The following ZSWIM9 variants were observed in gnomAD, a reference collection of about 807,000 sequenced individuals.
The protein encoded by ZSWIM9 is zinc finger SWIM-type containing 9, also known as uncharacterized protein ZSWIM9.
ZSWIM9 carries 11 observed loss-of-function variants against 25.0 expected under a neutral mutation model. That is an observed-to-expected ratio of 0.44 (90% CI 0.28 to 0.73). ZSWIM9 has a LOEUF of 0.73. ZSWIM9 is among the 30% of genes least tolerant of loss of function. The probability of loss-of-function intolerance (pLI) is 0.16; values close to 1 mark genes in which losing one functional copy is unlikely to be tolerated. For synonymous variants in ZSWIM9, 562 were observed against 582.1 expected (o/e 0.97, Z 0.50); for missense variants, 1,070 against 1,296.5 (o/e 0.83, Z 2.68).
In ZSWIM9 at chr19:48,194,447, T is replaced by C. The variant is rs1157263183; in HGVS notation, c.589-206T>C. 6.6e-6 allele frequency among the ~76,000 whole-genome samples: 1 copy of C among 152,168 alleles called. No homozygotes were observed. The highest frequency in any genetic ancestry group is 1.5e-5 in the Non-Finnish European group (1 of 68,038). On this transcript the variant is annotated intron_variant, in intron 3 of 3. Transcript: ENST00000614654. The surrounding 1 kb of genome is among the most constrained non-coding windows in gnomAD (Gnocchi z 6.0). ...TAGCCGTTAGACTGTGGTACCTGGA[T>C]CTCAAACCCAGGCAATCCGGCTCCA... is the stretch of plus-strand genomic sequence containing the variant.
intron 3 of ZSWIM9, chr19:48,187,572 TATATATTATATATTATATAATATA>T (rs1568579846): frequency 2.2e-5 from 1 of 44,970 alleles, no homozygotes; most frequent in East Asian, 1.2e-3. Flanking sequence ...TATAATATTA[TATATATTATATATTATATAATATA>T]ATATTATATA....
rs1317531572 is a variant in ZSWIM9 at position 48,182,410 on chromosome 19, G to T, written c.276-45G>T. 1 of 1,433,226 alleles carries T rather than the reference G, an allele frequency of 7.0e-7. No individual in the cohort carries two copies. The highest frequency in any genetic ancestry group is 9.3e-7 in the Non-Finnish European group (1 of 1,072,652). The allele number at this position is 1,433,226 out of a possible 1,614,324, so 88.8% of individuals were successfully genotyped here. ...AAAGGTGAGTGGAAAGGAAGAAGAGGGCAGCAGAGTGATGTGACCAGGGCG... is the reference window on the plus strand; with the variant it reads ...AAAGGTGAGTGGAAAGGAAGAAGAGTGCAGCAGAGTGATGTGACCAGGGCG... On this transcript the variant is annotated intron_variant, in intron 2 of 3. Transcript: ENST00000614654. The surrounding 1 kb of genome is among the most constrained non-coding windows in gnomAD (Gnocchi z 4.6).
chr19:48,194,919 C>A lies in ZSWIM9; in HGVS notation c.855C>A (p.Val285=). The A allele has an allele frequency of 1.5e-6, 2 of 1,317,658 alleles. No homozygotes were observed. The highest frequency in any genetic ancestry group is 4.2e-5 in the Admixed American group (1 of 23,800). The allele number at this position is 1,317,658 out of a possible 1,614,324, so 81.6% of individuals were successfully genotyped here. ...CGCTGCTGCAGAGCGCGCCAGACGT[C>A]AAGGGCCGCGTGCGCTGCCTCACCG... ...LASLLQSAPD[V]KGRVRCLTAG... is the part of the protein sequence containing the mutation. The change falls in exon 4 of 4, where the codon GTC becomes GTA. Residue 285 remains valine (V), a synonymous_variant. Coordinates refer to ENST00000614654, the MANE Select transcript of ZSWIM9 (RefSeq NM_199341.4). The surrounding 1 kb of genome is among the most constrained non-coding windows in gnomAD (Gnocchi z 6.0).
Position 48,194,711 on chromosome 19 carries a change from C to T in ZSWIM9, c.647C>T (p.Ser216Leu). The change falls in exon 4 of 4, where the codon TCG becomes TTG. Residue 216 changes from serine to leucine, a missense_variant. By Grantham distance (145) the Ser-to-Leu change is moderately radical. Around this residue, in one of 4 missense-constraint regions of ZSWIM9, gnomAD observed 265 missense variants for 339.0 expected, o/e 0.78. Coordinates refer to ENST00000614654, the MANE Select transcript of ZSWIM9 (RefSeq NM_199341.4). The surrounding 1 kb of genome is among the most constrained non-coding windows in gnomAD (Gnocchi z 6.0). The stretch of plus-strand genomic sequence containing the variant: ...GTGGAGACGGTGTTCTTCCTGACGT[C>T]GCGCACCAGGGCGCTGCTGCGGCGC... ...AVVETVFFLT[S>L]RTRALLRRFP... 6.5e-7 allele frequency: 1 copy of T among 1,529,200 alleles called. No individual in the cohort carries two copies. Among genetic ancestry groups the T allele is most frequent in the Non-Finnish European group, 8.7e-7 (1 of 1,143,452 alleles). 94.7% of individuals were successfully genotyped at this position (1,529,200 alleles called of 1,614,324 possible). A position where few individuals can be genotyped will look rare whatever the true frequency, so the allele number is the denominator to read the frequency against.
chr19:48,171,193 G>A (rs1376972444), intron 1 of ZSWIM9: 1 of 984,174 alleles, frequency 1.0e-6, no homozygotes, highest in Non-Finnish European at 1.2e-6. Flanking sequence ...ATAATCGGGG[G>A]AAGGGGCAAC....
intron 3 of ZSWIM9, among the ~76,000 whole-genome samples, chr19:48,188,568 C>T (rs2037058036): frequency 1.3e-5 from 2 of 152,098 alleles, no homozygotes; most frequent in African/African-American, 2.4e-5. Flanking sequence ...TGATGATGGG[C>T]TTTGGGGTCC....
At position 48,182,624 on chromosome 19, in the gene ZSWIM9, C is replaced by T. The variant is rs1206778360; in HGVS notation, c.445C>T (p.Arg149Cys). ...HLLANACLPVRTTNKISKQFV... is the reference protein window; with the variant it reads ...HLLANACLPVCTTNKISKQFV... ...GCTGGCCAACGCCTGCCTGCCGGTG[C>T]GCACCACCAACAAGATCTCCAAGCA... The change falls in exon 3 of 4, where the codon CGC (arginine) becomes TGC (cysteine). Residue 149 changes from arginine (R) to cysteine (C), a missense_variant. By Grantham distance (180) the Arg-to-Cys change is radical. Transcript: ENST00000614654. The surrounding 1 kb of genome is among the most constrained non-coding windows in gnomAD (Gnocchi z 4.6). 22 of 1,535,700 alleles carry T rather than the reference C, an allele frequency of 1.4e-5. No homozygotes were observed. The highest frequency in any genetic ancestry group is 2.0e-5 in the Admixed American group (1 of 50,970).
rs180771056 is a variant in ZSWIM9 at position 48,182,901 on chromosome 19, A to G, written c.588+134A>G. 1.1e-5 allele frequency: 8 copies of G among 714,544 alleles called. No homozygotes were observed. Among genetic ancestry groups the G allele is most frequent in the African/African-American group, 5.4e-5 (3 of 56,066 alleles). The allele number at this position is 714,544 out of a possible 1,614,324, so 44.3% of individuals were successfully genotyped here. ...CTCCATTCATCCGTTCATTCATTCA[A>G]TAAGTACTTACCGAGGCATTGGGGA... On this transcript the variant is annotated intron_variant, in intron 3 of 3. Transcript: ENST00000614654. The surrounding 1 kb of genome is among the most constrained non-coding windows in gnomAD (Gnocchi z 4.6).
intron 3 of ZSWIM9, among the ~76,000 whole-genome samples, chr19:48,183,573 G>A (rs1027978338): frequency 7.2e-5 from 11 of 151,960 alleles, no homozygotes; most frequent in African/African-American, 2.7e-4. Context: ...ACATCACTAG[G>A]GGCTGGCTGG....
chr19:48,196,750 G>A lies in ZSWIM9; in HGVS notation c.2686G>A (p.Ala896Thr). Residue 896 changes from alanine (A) to threonine (T), a missense_variant, in exon 4 of 4, where the codon GCG becomes ACG. Physicochemically the swap from Ala to Thr is moderately conservative, Grantham distance 58. Coordinates refer to ENST00000614654, the MANE Select transcript of ZSWIM9 (RefSeq NM_199341.4). ...TCTGCCCTGCAGACACCTCTTTGCA[G>A]CGCGCCTCCTCACTGGGGCTGCCTT... is the stretch of plus-strand genomic sequence containing the variant. ...RRLPCRHLFA[A>T]RLLTGAALFH... is the part of the protein sequence containing the mutation. 3.2e-6 allele frequency: 4 copies of A among 1,233,608 alleles called. No homozygotes were observed. The highest frequency in any genetic ancestry group is 4.0e-6 in the Non-Finnish European group (4 of 989,012). The allele number at this position is 1,233,608 out of a possible 1,614,324, so 76.4% of individuals were successfully genotyped here. A position where few individuals can be genotyped will look rare whatever the true frequency, so the allele number is the denominator to read the frequency against.
intron 2 of ZSWIM9, among the ~76,000 whole-genome samples, chr19:48,172,810 C>T (rs1462577362): frequency 6.6e-6 from 1 of 152,088 alleles, no homozygotes; most frequent in Non-Finnish European, 1.5e-5. Context: ...CCACTGTGCC[C>T]GGCCTGACTT....
intron 2 of ZSWIM9, chr19:48,180,691 C>A (rs975690543): frequency 6.6e-6 from 1 of 152,116 alleles, no homozygotes; most frequent in Non-Finnish European, 1.5e-5. Context: ...TTTTGGGGAA[C>A]CATGATTCTT....
At chr19:48,179,302 T>C (rs760235639) in intron 2 of ZSWIM9, among the ~76,000 whole-genome samples, 12 of 152,002 alleles carry the variant, frequency 7.9e-5, no homozygotes, top group Non-Finnish European at 1.5e-4. Flanking sequence ...GCTAGGACTA[T>C]GGGTGTGTGC....
At chr19:48,187,671 C>A in intron 3 of ZSWIM9, 1 of 130,934 alleles carries the variant, frequency 7.6e-6, no homozygotes, top group Non-Finnish European at 1.6e-5. Flanking sequence ...GGTGCGATGG[C>A]TCACACCTGT....
Position 48,182,229 on chromosome 19 carries a change from G to A in ZSWIM9, c.276-226G>A. 5 of 571,478 alleles carry A rather than the reference G, an allele frequency of 8.7e-6. No individual in the cohort carries two copies. In the South Asian group the frequency reaches 1.1e-4, roughly 13 times the overall value. The allele number at this position is 571,478 out of a possible 1,614,324, so 35.4% of individuals were successfully genotyped here. A position where few individuals can be genotyped will look rare whatever the true frequency, so the allele number is the denominator to read the frequency against. On this transcript the variant is annotated intron_variant, in intron 2 of 3. Coordinates refer to ENST00000614654, the MANE Select transcript of ZSWIM9 (RefSeq NM_199341.4). This position sits in a 1 kb window ranked among gnomAD's most constrained non-coding sequence, Gnocchi z 4.6. ...CTTTTCATGCTCATGACGATCCTAT[G>A]AGGAAGGTATGATGAGTAGGACCTT...
chr19:48,178,225 T>TCAAA (rs2036913168), intron 2 of ZSWIM9, among the ~76,000 whole-genome samples: 1 of 152,230 alleles, frequency 6.6e-6, no homozygotes. Context: ...GCATAAAGTC[T>TCAAA]CAAACTCTGT....
intron 3 of ZSWIM9, among the ~76,000 whole-genome samples, chr19:48,191,464 C>G (rs2037093934): frequency 6.6e-6 from 1 of 152,216 alleles, no homozygotes; most frequent in South Asian, 2.1e-4. Flanking sequence ...CTCGGCTTCC[C>G]AAAGTGCTGG....
chr19:48,191,380 T>C (rs2037093072), intron 3 of ZSWIM9, among the ~76,000 whole-genome samples: 1 of 152,106 alleles, frequency 6.6e-6, no homozygotes, highest in Non-Finnish European at 1.5e-5. Context: ...AATTTTTGTA[T>C]TTTTAATAGA....
chr19:48,171,092 G>A lies in ZSWIM9; in HGVS notation c.-10+378G>A. The A allele has an allele frequency of 2.0e-5, 6 of 293,836 alleles. 1 individual carries two copies. The South Asian group carries it at 8.1e-4, about 39-fold the overall frequency. The allele number at this position is 293,836 out of a possible 1,614,324, so 18.2% of individuals were successfully genotyped here. ...AGTGGGGCACACACCTGTAGGCGAA[G>A]CGTGGATAACTGCATGTGGGGAGTA... On this transcript the variant is annotated intron_variant, in intron 1 of 3. Transcript: ENST00000614654.
Sources: gnomAD v4.1 joint callset for allele counts (sites outside exome capture counted in the v4.1 genomes callset) on GRCh38, gnomAD v4.1.1 for gene constraint, gnomAD v4.1.1 regional missense constraint, Gnocchi (gnomAD v3.1) non-coding constraint, MANE v1.5 for transcripts, NCBI Gene and HGNC (gene_info 2026-07-23, HGNC 2026-07-21) for gene names.